UBE2E2: variants seen among roughly 807,000 people sequenced by gnomAD.
UBE2E2 encodes the protein ubiquitin conjugating enzyme E2 E2.
A neutral mutation model predicts 24.7 loss-of-function variants in UBE2E2; 6 were observed. That is an observed-to-expected ratio of 0.24 (90% confidence interval 0.13 to 0.48). The LOEUF (loss-of-function observed/expected upper bound fraction) is 0.48. UBE2E2 is among the 20% of genes least tolerant of loss of function. The pLI is 0.99. For synonymous variants in UBE2E2, 104 were observed against 83.6 expected, an observed-to-expected ratio of 1.24 and a Z score of -1.33; for missense variants, 169 against 245.0, an observed-to-expected ratio of 0.69 and a Z score of 2.07.
chr3:23,212,888 A>G lies in UBE2E2; in HGVS notation c.176+4013A>G, dbSNP rs566330661. 1.4e-4 allele frequency among the ~76,000 whole-genome samples: 21 copies of G among 152,258 alleles called. No individual in the cohort carries two copies. The South Asian group carries it at 4.1e-3, about 30-fold the overall frequency. ...TCAGAATCATAGATATATAGTATATACCACCATTTAGAATGAAACTCTAGA... is the reference window on the plus strand; with the variant it reads ...TCAGAATCATAGATATATAGTATATGCCACCATTTAGAATGAAACTCTAGA... On this transcript the variant is annotated intron_variant, in intron 2 of 5. Transcript: ENST00000396703.
intron 3 of UBE2E2, among the ~76,000 whole-genome samples, chr3:23,442,099 C>A (rs575138495): frequency 1.4e-3 from 217 of 152,074 alleles, no homozygotes; most frequent in African/African-American, 5.0e-3. Context: ...AAAATAAAAT[C>A]TGGGAGTAAA....
At chr3:23,486,792 A>G (rs1201529212) in intron 3 of UBE2E2, among the ~76,000 whole-genome samples, 2 of 152,208 alleles carry the variant, frequency 1.3e-5, no homozygotes. Context: ...TGGAGGAAGT[A>G]GGTGCTGACT....
intron 3 of UBE2E2, among the ~76,000 whole-genome samples, chr3:23,350,102 C>T (rs1695693787): frequency 1.3e-5 from 2 of 152,150 alleles, no homozygotes; most frequent in South Asian, 4.1e-4. Flanking sequence ...CTGCAGCCAC[C>T]ACTGCTGATA....
chr3:23,499,146 A>G (rs1699666447), intron 3 of UBE2E2, among the ~76,000 whole-genome samples: 1 of 152,190 alleles, frequency 6.6e-6, no homozygotes, highest in Admixed American at 6.5e-5. Context: ...GTGGGGAGAA[A>G]GAAAGGAAGA....
intron 3 of UBE2E2, among the ~76,000 whole-genome samples, chr3:23,359,998 C>G (rs1055790406): frequency 6.6e-6 from 1 of 152,068 alleles, no homozygotes; most frequent in Non-Finnish European, 1.5e-5. Flanking sequence ...TGATCTAGGA[C>G]TCTCCCCAGT....
At chr3:23,221,228 A>G (rs775038167) in intron 3 of UBE2E2, among the ~76,000 whole-genome samples, 5 of 152,280 alleles carry the variant, frequency 3.3e-5, no homozygotes, top group South Asian at 4.1e-4. Flanking sequence ...TTACACTTCT[A>G]TTTCTATGTG....
At chr3:23,215,912 T>G (rs1449556999) in intron 2 of UBE2E2, among the ~76,000 whole-genome samples, 1 of 152,174 alleles carries the variant, frequency 6.6e-6, no homozygotes, top group Non-Finnish European at 1.5e-5. Context: ...TCTTTGAGAC[T>G]TCTGTCATTT....
intron 3 of UBE2E2, among the ~76,000 whole-genome samples, chr3:23,480,794 A>T (rs1692649): frequency 0.18 from 27,231 of 152,214 alleles, 2,512 homozygotes; most frequent in Middle Eastern, 0.23. Flanking sequence ...TTTTTTGAAC[A>T]GAAATAGAGG....
intron 3 of UBE2E2, among the ~76,000 whole-genome samples, chr3:23,384,141 A>G (rs558513705): frequency 6.6e-6 from 1 of 151,998 alleles, no homozygotes. Flanking sequence ...AACTACAGGC[A>G]TGCACCACCA....
intron 3 of UBE2E2, among the ~76,000 whole-genome samples, chr3:23,240,503 A>G (rs111700228): frequency 2.0e-5 from 3 of 152,232 alleles, no homozygotes; most frequent in African/African-American, 4.8e-5. Context: ...AGTAACAACC[A>G]AGTTATTTGG....
intron 3 of UBE2E2, among the ~76,000 whole-genome samples, chr3:23,315,765 A>G (rs2125282939): frequency 6.6e-6 from 1 of 152,268 alleles, no homozygotes; most frequent in South Asian, 2.1e-4. Flanking sequence ...AAGGCTTTCC[A>G]GGTATTTGTT....
intron 3 of UBE2E2, among the ~76,000 whole-genome samples, chr3:23,489,494 A>G (rs1261589475): frequency 6.6e-6 from 1 of 152,208 alleles, no homozygotes; most frequent in Non-Finnish European, 1.5e-5. Context: ...AGCATGCAAG[A>G]TGTCATACAG....
intron 3 of UBE2E2, among the ~76,000 whole-genome samples, chr3:23,493,848 CTT>C (rs770542260): frequency 5.3e-5 from 8 of 152,108 alleles, no homozygotes; most frequent in East Asian, 1.9e-4. Flanking sequence ...CAGTCAACCT[CTT>C]TGAGTGTATT....
intron 3 of UBE2E2, among the ~76,000 whole-genome samples, chr3:23,342,824 T>C (rs1037715899): frequency 6.6e-6 from 1 of 152,184 alleles, no homozygotes; most frequent in Non-Finnish European, 1.5e-5. Flanking sequence ...GAATAAACTT[T>C]TATATTTTTT....
intron 3 of UBE2E2, among the ~76,000 whole-genome samples, chr3:23,419,709 C>CT (rs1283850229): frequency 1.3e-5 from 2 of 152,102 alleles, no homozygotes; most frequent in African/African-American, 4.8e-5. Flanking sequence ...AAATTATGGC[C>CT]TTTGTGTCTC....
At chr3:23,581,485 T>C (rs1696476938) in intron 5 of UBE2E2, among the ~76,000 whole-genome samples, 1 of 152,202 alleles carries the variant, frequency 6.6e-6, no homozygotes, top group South Asian at 2.1e-4. Context: ...AAATACATAT[T>C]TGTTTTCAAT....
intron 3 of UBE2E2, among the ~76,000 whole-genome samples, chr3:23,302,127 A>T (rs1699113452): frequency 6.6e-6 from 1 of 151,938 alleles, no homozygotes; most frequent in Non-Finnish European, 1.5e-5. Context: ...CTCCATGATT[A>T]CTTTAGGTTT....
intron 3 of UBE2E2, among the ~76,000 whole-genome samples, chr3:23,297,153 GTTGT>G (rs1310082653): frequency 1.3e-5 from 2 of 152,076 alleles, no homozygotes; most frequent in East Asian, 1.9e-4. Context: ...TTTTGATGGG[GTTGT>G]TTGTTTTTTT....
At chr3:23,238,090 C>A (rs1410775562) in intron 3 of UBE2E2, among the ~76,000 whole-genome samples, 2 of 152,092 alleles carry the variant, frequency 1.3e-5, no homozygotes, top group African/African-American at 4.8e-5. Flanking sequence ...TGAGATATGG[C>A]CTCTTGACTT....
Sources: gnomAD v4.1 joint callset for allele counts (sites outside exome capture counted in the v4.1 genomes callset) on GRCh38, gnomAD v4.1.1 for gene constraint, MANE v1.5 for transcripts, NCBI Gene and HGNC (gene_info 2026-07-23, HGNC 2026-07-21) for gene names.